DPH7: variants seen among roughly 807,000 people sequenced by gnomAD.
The protein encoded by DPH7 is diphthamide biosynthesis 7.
In DPH7, 44 loss-of-function variants were observed where a neutral mutation model predicts 41.7. The observed-to-expected ratio is 1.05, with a 90% CI of 0.83 to 1.36. DPH7 has a LOEUF of 1.36. Ranked by LOEUF, DPH7 falls within the 40% of genes most tolerant of loss-of-function variation. The probability of loss-of-function intolerance (pLI) is 0.00; values close to 1 mark genes in which losing one functional copy is unlikely to be tolerated. For synonymous variants in DPH7, 275 were observed against 238.0 expected (o/e 1.16, Z -1.43); for missense variants, 629 against 577.5 (o/e 1.09, Z -0.91).
Position 137,578,718 on chromosome 9 carries a change from C to T in DPH7, c.60G>A (p.Glu20=), listed in dbSNP as rs1472352820. The T allele has an allele frequency of 6.5e-7, 1 of 1,529,498 alleles. No individual in the cohort carries two copies. Among genetic ancestry groups the T allele is most frequent in the Non-Finnish European group, 8.8e-7 (1 of 1,139,440 alleles). The allele number at this position is 1,529,498 out of a possible 1,614,324, so 94.7% of individuals were successfully genotyped here. A position where few individuals can be genotyped will look rare whatever the true frequency, so the allele number is the denominator to read the frequency against. Reference sequence around the variant, plus strand: ...GCCTGCAGCCTTGCAGCGGGCACCACTCCACCGAGTCCGCGGTCAGCTCGG... The same window carrying T: ...GCCTGCAGCCTTGCAGCGGGCACCATTCCACCGAGTCCGCGGTCAGCTCGG... ...VDTELTADSV[E]WCPLQGCRHL... Residue 20 remains glutamate, a synonymous_variant, in exon 1 of 9, where the codon GAG becomes GAA. Coordinates refer to ENST00000277540, the MANE Select transcript of DPH7 (RefSeq NM_138778.5).
chr9:137,574,073 A>G (rs1396449420), intron 5 of DPH7, 135 bp downstream of exon 5: 7 of 1,026,960 alleles, frequency 6.8e-6, no homozygotes, highest in Admixed American at 6.8e-5. Context: ...TCAAAAAAAA[A>G]AGTACACTTT....
chr9:137,574,129 TG>T, intron 5 of DPH7, 78 bp downstream of exon 5: 1 of 1,436,332 alleles, frequency 7.0e-7, no homozygotes, highest in Non-Finnish European at 9.6e-7. Context: ...ATCACAGCTG[TG>T]GCACAGGCCT....
intron 2 of DPH7, chr9:137,576,400 T>C (rs938389057): frequency 7.2e-5 from 38 of 530,886 alleles, no homozygotes; most frequent in Middle Eastern, 9.9e-4. Flanking sequence ...AGTGGTTGTA[T>C]ATCTAAACAT....
chr9:137,555,238 C>T lies in DPH7; in HGVS notation c.*1G>A. 6.3e-7 allele frequency: 1 copy of T among 1,585,036 alleles called. No homozygotes were observed. The highest frequency in any genetic ancestry group is 8.6e-7 in the Non-Finnish European group (1 of 1,163,404). On this transcript the variant is annotated 3_prime_UTR_variant, in exon 9 of 9. Transcript: ENST00000277540. The stretch of plus-strand genomic sequence containing the variant: ...TGGGAAGGGGCTTCATGATTTCAAG[C>T]TCAGTTCCCCTCCCACTCCCAGAGG...
chr9:137,568,749 C>G (rs1450088078), intron 5 of DPH7, among the ~76,000 whole-genome samples: 1 of 152,108 alleles, frequency 6.6e-6, no homozygotes, highest in Non-Finnish European at 1.5e-5. Flanking sequence ...AAGAAGCCTG[C>G]AGGAACAGAA....
chr9:137,562,205 A>G (rs968634281), intron 8 of DPH7, among the ~76,000 whole-genome samples: 2 of 152,186 alleles, frequency 1.3e-5, no homozygotes, highest in African/African-American at 4.8e-5. Context: ...AGATTCAGTA[A>G]GGAACCAGAA....
intron 8 of DPH7, among the ~76,000 whole-genome samples, chr9:137,557,304 G>A (rs1484414840): frequency 3.3e-5 from 5 of 152,056 alleles, no homozygotes; most frequent in African/African-American, 9.7e-5. Flanking sequence ...TCAAGAGATC[G>A]AGACCATCCT....
Position 137,555,318 on chromosome 9 carries a change from G to C in DPH7, c.1280C>G (p.Ala427Gly), listed in dbSNP as rs1440612292. Residue 427 changes from alanine to glycine, a missense_variant, in exon 9 of 9, where the codon GCA becomes GGA. By Grantham distance (60) the Ala-to-Gly change is moderately conservative. Transcript: ENST00000277540. ...GGCCAGGAGGCTGAAGGCTGAGTCT[G>C]CTTCTTCTGGGTTCACGCCACAGTC... The part of the protein sequence containing the change: ...TRDCGVNPEE[A>G]DSAFSLLATC... 6.2e-7 allele frequency: 1 copy of C among 1,613,820 alleles called. No individual in the cohort carries two copies. Among genetic ancestry groups the C allele is most frequent in the Admixed American group, 1.7e-5 (1 of 59,990 alleles).
intron 8 of DPH7, among the ~76,000 whole-genome samples, chr9:137,561,499 C>T (rs1214255832): frequency 5.5e-5 from 8 of 145,384 alleles, no homozygotes; most frequent in Non-Finnish European, 8.9e-5. Flanking sequence ...GCCAAGATAG[C>T]GCCACTGCAT....
At position 137,577,487 on chromosome 9, in the gene DPH7, T is replaced by C. The variant is rs1385141660; in HGVS notation, c.270A>G (p.Ala90=). Residue 90 remains alanine (A), a synonymous_variant, in exon 2 of 9, where the codon GCA becomes GCG. Coordinates refer to ENST00000277540, the MANE Select transcript of DPH7 (RefSeq NM_138778.5). ...LVEVQRKDTS[A]ILDMKWCHIP... is the part of the protein sequence containing the mutation. ...AGTTATACCATTTCATGTCCAGGAT[T>C]GCAGAAGTATCTTTTCTTTGGACCT... The C allele has an allele frequency of 6.2e-7, 1 of 1,614,094 alleles. No individual in the cohort carries two copies.
At chr9:137,564,784 CT>C in intron 7 of DPH7, 108 bp downstream of exon 7, 1 of 1,445,006 alleles carries the variant, frequency 6.9e-7, no homozygotes, top group Non-Finnish European at 9.5e-7. Context: ...AGACGAAATG[CT>C]GCAATGGTGC....
Position 137,564,960 on chromosome 9 carries a change from T to C in DPH7, c.711-2A>G. ...ATGCTGCACACACCCATGGTGTGTC[T>C]GCAAGCAGAGGCGGCTTCTGAACCA... On this transcript the variant is annotated splice_acceptor_variant, in intron 6 of 8. Coordinates refer to ENST00000277540, the MANE Select transcript of DPH7 (RefSeq NM_138778.5). LOFTEE classifies it high-confidence loss of function. The C allele has an allele frequency of 1.3e-6, 2 of 1,595,014 alleles. No individual in the cohort carries two copies. Among genetic ancestry groups the C allele is most frequent in the Non-Finnish European group, 1.7e-6 (2 of 1,170,618 alleles).
chr9:137,555,634 C>G lies in DPH7; in HGVS notation c.964G>C (p.Ala322Pro). 6.2e-7 allele frequency: 1 copy of G among 1,600,576 alleles called. No individual in the cohort carries two copies. The highest frequency in any genetic ancestry group is 8.5e-7 in the Non-Finnish European group (1 of 1,171,396). The change falls in exon 9 of 9, where the codon GCG becomes CCG. Residue 322 changes from alanine to proline, a missense_variant. Ala to Pro is a conservative substitution (Grantham distance 27, BLOSUM62 -1). Transcript: ENST00000277540. ...AATGTGTGAGATGTCAGGACCGTCGCCTCCTGCCTCTCCTCTGGAGTGAGA... is the reference window on the plus strand; with the variant it reads ...AATGTGTGAGATGTCAGGACCGTCGGCTCCTGCCTCTCCTCTGGAGTGAGA... Reference protein sequence around the residue: ...CQKAMEERQEATVLTSHTLPD... With the variant: ...CQKAMEERQEPTVLTSHTLPD...
At chr9:137,564,305 T>C in intron 8 of DPH7, 129 bp downstream of exon 8, 1 of 1,155,734 alleles carries the variant, frequency 8.7e-7, no homozygotes, top group East Asian at 2.6e-5. Context: ...ACGCTGGGAG[T>C]GTGTAAAAGC....
In DPH7 at chr9:137,574,732, T is replaced by G; in HGVS notation, c.467+20A>C. ...TTCTCAGAGAAAGACTCAGGACCCCTGACCAAGCCTGGCCCTTACCTTCCA... is the reference window on the plus strand; with the variant it reads ...TTCTCAGAGAAAGACTCAGGACCCCGGACCAAGCCTGGCCCTTACCTTCCA... On this transcript the variant is annotated intron_variant, in intron 4 of 8. Coordinates refer to ENST00000277540, the MANE Select transcript of DPH7 (RefSeq NM_138778.5). 1 of 1,611,930 alleles carries G rather than the reference T, an allele frequency of 6.2e-7. No individual in the cohort carries two copies. Among genetic ancestry groups the G allele is most frequent in the Non-Finnish European group, 8.5e-7 (1 of 1,178,872 alleles).
In DPH7 at chr9:137,578,814, G is replaced by C. The variant is rs1841905644; in HGVS notation, c.-37C>G. 8 of 1,396,272 alleles carry C rather than the reference G, an allele frequency of 5.7e-6. No individual in the cohort carries two copies. Among genetic ancestry groups the C allele is most frequent in the Admixed American group, 3.4e-5 (1 of 29,410 alleles). 86.5% of individuals were successfully genotyped at this position (1,396,272 alleles called of 1,614,324 possible). A position where few individuals can be genotyped will look rare whatever the true frequency, so the allele number is the denominator to read the frequency against. ...GGAAGGGCGCGGAGCCGGCAGTAGA[G>C]GCGGGTCGGCGGGGCCGGGCTGGGT... On this transcript the variant is annotated 5_prime_UTR_variant, in exon 1 of 9. Transcript: ENST00000277540.
chr9:137,572,550 G>C (rs1840623090), intron 5 of DPH7, among the ~76,000 whole-genome samples: 1 of 152,240 alleles, frequency 6.6e-6, no homozygotes, highest in Non-Finnish European at 1.5e-5. Flanking sequence ...AGATGAGACA[G>C]TGGCCCGGAT....
intron 1 of DPH7, chr9:137,578,043 G>A: frequency 1.0e-6 from 1 of 980,754 alleles, no homozygotes; most frequent in African/African-American, 1.7e-5. Flanking sequence ...GTTGGCCGGG[G>A]GCGGTGGCTC....
chr9:137,559,524 G>A (rs959899191), intron 8 of DPH7, among the ~76,000 whole-genome samples: 4 of 152,216 alleles, frequency 2.6e-5, no homozygotes, highest in Admixed American at 6.5e-5. Flanking sequence ...CCGTCTCCCC[G>A]TGATGCTGTG....
Sources: allele counts gnomAD v4.1 joint callset (sites outside exome capture counted in the v4.1 genomes callset), GRCh38; gene constraint gnomAD v4.1.1; transcripts MANE v1.5; gene names NCBI Gene and HGNC (gene_info 2026-07-23, HGNC 2026-07-21).